Variants in EFCAB7 observed in about 807,000 individuals in gnomAD.
EFCAB7 encodes the protein EF-hand calcium binding domain 7.
A neutral mutation model predicts 77.1 loss-of-function variants in EFCAB7; 66 were observed. The observed-to-expected ratio is 0.86, with a 90% CI of 0.70 to 1.05. The LOEUF is 1.05. Ranked by LOEUF, EFCAB7 falls within the 50% of genes least tolerant of loss-of-function variation. The pLI, the probability that EFCAB7 is intolerant of heterozygous loss-of-function variation, is 0.00. For missense variants in EFCAB7, 638 were observed against 730.5 expected, an observed-to-expected ratio of 0.87 and a Z score of 1.46; for synonymous variants, 225 against 243.3, an observed-to-expected ratio of 0.92 and a Z score of 0.70.
intron 10 of EFCAB7, among the ~76,000 whole-genome samples, chr1:63,559,210 G>A (rs1381974290): frequency 6.9e-6 from 1 of 144,548 alleles, no homozygotes; most frequent in Non-Finnish European, 1.5e-5. Flanking sequence ...GCTGAGGCAG[G>A]AGAATCACTT....
intron 12 of EFCAB7, 34 bp downstream of exon 12, chr1:63,568,553 T>C: frequency 6.6e-7 from 1 of 1,508,574 alleles, no homozygotes; most frequent in Non-Finnish European, 9.2e-7. Flanking sequence ...CTCATTTTGC[T>C]ACAAAGCTTA....
In EFCAB7 at chr1:63,561,759, T is replaced by C; in HGVS notation, c.1399T>C (p.Leu467=). ...NELTRQGFMD[L]NLMEANDREG... ...ACTAACAAGACAAGGATTTATGGATTTGAATCTAATGGAAGCTAATGATCG... is the reference window on the plus strand; with the variant it reads ...ACTAACAAGACAAGGATTTATGGATCTGAATCTAATGGAAGCTAATGATCG... Residue 467 remains leucine (L), a synonymous_variant, in exon 11 of 14, where the codon TTG becomes CTG. Coordinates refer to ENST00000371088, the MANE Select transcript of EFCAB7 (RefSeq NM_032437.4). 1 of 1,610,956 alleles carries C rather than the reference T, an allele frequency of 6.2e-7. No individual in the cohort carries two copies.
chr1:63,552,589 G>T (rs1392137847), intron 8 of EFCAB7, among the ~76,000 whole-genome samples: 1 of 152,144 alleles, frequency 6.6e-6, no homozygotes, highest in East Asian at 1.9e-4. Flanking sequence ...TGCCCATGGG[G>T]TTGTTCTGAT....
In EFCAB7 at chr1:63,572,586, A is replaced by C. The variant is rs1271768979; in HGVS notation, c.*70A>C. On this transcript the variant is annotated 3_prime_UTR_variant, in exon 14 of 14. Coordinates refer to ENST00000371088, the MANE Select transcript of EFCAB7 (RefSeq NM_032437.4). ...TAGTCTGTTATTTATTAAACAACTA[A>C]ATGCTACTTAACTGATGTACCTAAA... 1 of 1,250,192 alleles carries C rather than the reference A, an allele frequency of 8.0e-7. No individual in the cohort carries two copies. The highest frequency in any genetic ancestry group is 2.9e-5 in the East Asian group (1 of 34,116). The allele number at this position is 1,250,192 out of a possible 1,614,324, so 77.4% of individuals were successfully genotyped here.
At chr1:63,527,045 G>A (rs1375730711) in intron 2 of EFCAB7, among the ~76,000 whole-genome samples, 1 of 152,224 alleles carries the variant, frequency 6.6e-6, no homozygotes, top group South Asian at 2.1e-4. Context: ...CATTATAGGC[G>A]TGAGCCACCA....
intron 13 of EFCAB7, 58 bp downstream of exon 13, chr1:63,571,186 T>A: frequency 8.8e-7 from 1 of 1,130,780 alleles, no homozygotes; most frequent in Non-Finnish European, 1.3e-6. Context: ...AAAAATTTGC[T>A]ATTAATGCTA....
At chr1:63,541,081 AAAAT>A (rs779598006) in intron 6 of EFCAB7, among the ~76,000 whole-genome samples, 32 of 152,300 alleles carry the variant, frequency 2.1e-4, no homozygotes, top group Admixed American at 4.6e-4. Flanking sequence ...TAATTTATAC[AAAAT>A]AAATAATAAA....
chr1:63,555,659 C>T (rs1647022209), intron 9 of EFCAB7, 144 bp downstream of exon 9: 1 of 643,742 alleles, frequency 1.6e-6, no homozygotes, highest in African/African-American at 1.8e-5. Context: ...CCTGTATGAA[C>T]TTGGAGGATG....
intron 10 of EFCAB7, among the ~76,000 whole-genome samples, chr1:63,558,277 T>C (rs1241275775): frequency 6.6e-6 from 1 of 152,200 alleles, no homozygotes; most frequent in African/African-American, 2.4e-5. Flanking sequence ...TTTCTGATGG[T>C]AAAGTTTGTG....
downstream of EFCAB7, chr1:63,572,824 G>A (rs1487198409): frequency 1.3e-5 from 4 of 310,826 alleles, no homozygotes; most frequent in African/African-American, 9.0e-5. Context: ...TAGGGGTGGG[G>A]CCATTTTATA....
intron 2 of EFCAB7, among the ~76,000 whole-genome samples, chr1:63,527,006 C>G (rs912815183): frequency 2.0e-5 from 3 of 152,246 alleles, no homozygotes; most frequent in Admixed American, 6.5e-5. Flanking sequence ...CTCAGGTGAT[C>G]TGCCTGCCTC....
At chr1:63,550,361 C>T (rs761388295) in intron 7 of EFCAB7, 1 of 151,920 alleles carries the variant, frequency 6.6e-6, no homozygotes, top group Non-Finnish European at 1.5e-5. Flanking sequence ...AACTTTTTTC[C>T]TCTTTGGACT....
intron 6 of EFCAB7, among the ~76,000 whole-genome samples, chr1:63,540,168 G>A (rs1646810704): frequency 6.6e-6 from 1 of 151,968 alleles, no homozygotes; most frequent in African/African-American, 2.4e-5. Flanking sequence ...TTTGAGACCA[G>A]CCTGGCCAAC....
intron 8 of EFCAB7, 200 bp from the exon 9 acceptor site, chr1:63,555,158 A>T: frequency 2.3e-6 from 1 of 432,744 alleles, no homozygotes; most frequent in East Asian, 3.8e-5. Flanking sequence ...GCTGTATCTA[A>T]TGATCTCATA....
intron 2 of EFCAB7, among the ~76,000 whole-genome samples, chr1:63,531,219 C>A (rs576559787): frequency 3.9e-5 from 6 of 152,112 alleles, no homozygotes; most frequent in African/African-American, 1.2e-4. Flanking sequence ...AACCACTGAT[C>A]TATTCTCTAC....
intron 11 of EFCAB7, 84 bp from the exon 12 acceptor site, chr1:63,568,226 G>A (rs1570443428): frequency 8.6e-7 from 1 of 1,160,560 alleles, no homozygotes; most frequent in East Asian, 2.6e-5. Flanking sequence ...AGAAGGTATA[G>A]CATATCTTCT....
intron 12 of EFCAB7, chr1:63,570,506 T>C: frequency 6.6e-6 from 1 of 152,358 alleles, no homozygotes; most frequent in East Asian, 1.9e-4. Context: ...CTGTCTCCCC[T>C]AGAGTGTGAG....
rs143419604 is a variant in EFCAB7, at chr1:63,568,637, A to G, written c.1707+118A>G. The G allele has an allele frequency of 2.5e-3, 1,743 of 690,046 alleles. 15 individuals are homozygous for G. In the African/African-American group the frequency reaches 0.026, roughly 10 times the overall value. The allele number at this position is 690,046 out of a possible 1,614,324, so 42.7% of individuals were successfully genotyped here. ...GTATCCCATCACATTAATAATGTTT[A>G]TAATGCATAATTATTTTTTCTCCTC... On this transcript the variant is annotated intron_variant, in intron 12 of 13. Transcript: ENST00000371088.
chr1:63,550,874 C>T (rs1646956417), intron 7 of EFCAB7, among the ~76,000 whole-genome samples: 1 of 151,988 alleles, frequency 6.6e-6, no homozygotes, highest in Non-Finnish European at 1.5e-5. Context: ...GATTTTTGAC[C>T]TGAGCAACTG....
Sources: gnomAD v4.1 joint callset for allele counts (sites outside exome capture counted in the v4.1 genomes callset) on GRCh38, gnomAD v4.1.1 for gene constraint, MANE v1.5 for transcripts, NCBI Gene and HGNC (gene_info 2026-07-23, HGNC 2026-07-21) for gene names.